Variants in PLXNC1 observed in about 807,000 individuals in gnomAD.
The protein encoded by PLXNC1 is plexin-C1.
In PLXNC1, 75 loss-of-function variants were observed where a neutral mutation model predicts 178.2. The ratio of observed to expected loss-of-function variants is 0.42; its 90% CI spans 0.35 to 0.51. The LOEUF (loss-of-function observed/expected upper bound fraction) is 0.51, where lower values mean the gene tolerates loss of function less well. Ranked by LOEUF, PLXNC1 falls within the 20% of genes least tolerant of loss-of-function variation. PLXNC1 has a pLI of 0.02. For missense variants in PLXNC1, 1,503 were observed against 1,984.4 expected, an observed-to-expected ratio of 0.76 and a Z score of 4.61; for synonymous variants, 790 against 779.9, an observed-to-expected ratio of 1.01 and a Z score of -0.22.
At chr12:94,266,534 T>C (rs889024931) in intron 21 of PLXNC1, among the ~76,000 whole-genome samples, 1 of 152,238 alleles carries the variant, frequency 6.6e-6, no homozygotes, top group Non-Finnish European at 1.5e-5. Context: ...GGCTGTGGCC[T>C]GAGAATTCAC....
Position 94,224,309 on chromosome 12 carries a change from T to C in PLXNC1, c.1784T>C (p.Leu595Ser). Residue 595 changes from leucine (L) to serine (S), a missense_variant, in exon 7 of 31, where the codon TTA becomes TCA. By Grantham distance (145) the Leu-to-Ser change is moderately radical. Around this residue, in one of 4 missense-constraint regions of PLXNC1, gnomAD observed 615 missense variants for 698.6 expected, o/e 0.88. Transcript: ENST00000258526. The stretch of plus-strand genomic sequence containing the variant: ...TTCAACTTTACCAACTGCTCATCAT[T>C]AAAAGAGTAAGATTTTATTTGAAAT... ...DRFNFTNCSS[L>S]KECPACVETG... 6.8e-7 allele frequency: 1 copy of C among 1,470,922 alleles called. No homozygotes were observed. Among genetic ancestry groups the C allele is most frequent in the Admixed American group, 1.7e-5 (1 of 59,830 alleles). The allele number at this position is 1,470,922 out of a possible 1,614,324, so 91.1% of individuals were successfully genotyped here.
At chr12:94,287,828 C>T (rs558056980) in intron 23 of PLXNC1, among the ~76,000 whole-genome samples, 13 of 152,314 alleles carry the variant, frequency 8.5e-5, no homozygotes, top group African/African-American at 2.9e-4. Context: ...TTAACAAACA[C>T]GTATAATGCT....
At chr12:94,165,251 C>T (rs538964243) in intron 1 of PLXNC1, among the ~76,000 whole-genome samples, 2 of 152,218 alleles carry the variant, frequency 1.3e-5, no homozygotes, top group Non-Finnish European at 2.9e-5. Flanking sequence ...GGGTATTAAC[C>T]TCACTTTTGT....
rs764128066 is a variant in PLXNC1 at position 94,259,591 on chromosome 12, A to AT, written c.3127-12dup. 4.5e-6 allele frequency: 7 copies of AT among 1,539,576 alleles called. No individual in the cohort carries two copies. The highest frequency in any genetic ancestry group is 1.4e-5 in the African/African-American group (1 of 71,192). ...TATATGATTTTGTATTATACTATAT[A>AT]TTTTTTTCTTTTTATCAGAACAGAG... On this transcript the variant is annotated intron_variant, in intron 18 of 30. Transcript: ENST00000258526.
chr12:94,218,053 T>A (rs760174232), intron 5 of PLXNC1, among the ~76,000 whole-genome samples: 1 of 152,204 alleles, frequency 6.6e-6, no homozygotes, highest in Non-Finnish European at 1.5e-5. Flanking sequence ...TTATAACGTT[T>A]GAGTGTGAAT....
chr12:94,262,800 TA>T, intron 20 of PLXNC1: 1 of 981,336 alleles, frequency 1.0e-6, no homozygotes. Context: ...GATTTGTGGG[TA>T]AAATAATAAT....
chr12:94,208,040 G>C (rs565009922), intron 4 of PLXNC1, among the ~76,000 whole-genome samples: 1 of 152,054 alleles, frequency 6.6e-6, no homozygotes, highest in African/African-American at 2.4e-5. Context: ...AACCAGCTTC[G>C]TCATTCTGTT....
chr12:94,229,287 A>G (rs1565820506), intron 9 of PLXNC1, among the ~76,000 whole-genome samples: 1 of 152,100 alleles, frequency 6.6e-6, no homozygotes, highest in Non-Finnish European at 1.5e-5. Context: ...GGAGTTCTTT[A>G]TGTATTCTGG....
At chr12:94,241,339 TATC>T (rs1173680589) in intron 11 of PLXNC1, among the ~76,000 whole-genome samples, 2 of 152,192 alleles carry the variant, frequency 1.3e-5, no homozygotes, top group East Asian at 3.8e-4. Flanking sequence ...CTCAAGCACT[TATC>T]ATTTCTTTCT....
chr12:94,251,948 A>G (rs968564889), intron 15 of PLXNC1, among the ~76,000 whole-genome samples: 13 of 151,908 alleles, frequency 8.6e-5, no homozygotes, highest in African/African-American at 2.9e-4. Context: ...AGCCGAGATC[A>G]CACCACTGCA....
chr12:94,288,881 CAG>C (rs926442592), intron 23 of PLXNC1, among the ~76,000 whole-genome samples: 12 of 152,340 alleles, frequency 7.9e-5, no homozygotes, highest in African/African-American at 2.9e-4. Flanking sequence ...AGATTTCAAT[CAG>C]AGTTTCTGTG....
intron 1 of PLXNC1, among the ~76,000 whole-genome samples, chr12:94,168,935 ATACATAG>A (rs63380865): frequency 0.013 from 2,041 of 152,238 alleles, 19 homozygotes; most frequent in Non-Finnish European, 0.023. Context: ...ATACCTGTTC[ATACATAG>A]TAAACAGGGG....
intron 4 of PLXNC1, among the ~76,000 whole-genome samples, chr12:94,200,240 T>C (rs1421489753): frequency 3.9e-5 from 6 of 152,230 alleles, no homozygotes; most frequent in African/African-American, 9.7e-5. Context: ...TATGTTGTAA[T>C]GGAATAGATT....
At chr12:94,242,922 GT>G (rs1411309414) in intron 11 of PLXNC1, among the ~76,000 whole-genome samples, 1 of 151,996 alleles carries the variant, frequency 6.6e-6, no homozygotes, top group Non-Finnish European at 1.5e-5. Flanking sequence ...AGCCACAGCA[GT>G]ATCCTGCTTT....
At chr12:94,304,694 G>A (rs1968818015) in intron 30 of PLXNC1, among the ~76,000 whole-genome samples, 1 of 152,148 alleles carries the variant, frequency 6.6e-6, no homozygotes, top group Admixed American at 6.5e-5. Flanking sequence ...CTAAGGTAGG[G>A]TAGAGGCAAT....
intron 5 of PLXNC1, among the ~76,000 whole-genome samples, chr12:94,219,755 T>C (rs141339755): frequency 2.6e-5 from 4 of 152,210 alleles, no homozygotes; most frequent in Non-Finnish European, 5.9e-5. Flanking sequence ...ATATGCTCTT[T>C]ACAGAAGAGC....
intron 14 of PLXNC1, among the ~76,000 whole-genome samples, chr12:94,250,428 C>G (rs1471126727): frequency 1.3e-5 from 2 of 152,120 alleles, no homozygotes; most frequent in Non-Finnish European, 2.9e-5. Context: ...ATTCAGGGTT[C>G]CATAGCTGAG....
intron 17 of PLXNC1, among the ~76,000 whole-genome samples, chr12:94,257,666 G>A (rs924821166): frequency 6.6e-6 from 1 of 152,216 alleles, no homozygotes; most frequent in Non-Finnish European, 1.5e-5. Flanking sequence ...CCAGCTACTC[G>A]GGAGGCTGAG....
chr12:94,168,425 A>C (rs1193956264), intron 1 of PLXNC1: 1 of 152,234 alleles, frequency 6.6e-6, no homozygotes, highest in African/African-American at 2.4e-5. Flanking sequence ...GGCTTTATTT[A>C]ATGATCAGGA....
Sources: gnomAD v4.1 joint callset for allele counts (sites outside exome capture counted in the v4.1 genomes callset) on GRCh38, gnomAD v4.1.1 for gene constraint, gnomAD v4.1.1 regional missense constraint, MANE v1.5 for transcripts, NCBI Gene and HGNC (gene_info 2026-07-23, HGNC 2026-07-21) for gene names.